The following BANP variants were observed in gnomAD, a reference collection of about 807,000 sequenced individuals.
The protein encoded by BANP is protein BANP.
BANP carries 11 observed loss-of-function variants against 68.1 expected under a neutral mutation model. That is an observed-to-expected ratio of 0.16 (90% CI 0.10 to 0.27). BANP has a LOEUF of 0.27. BANP is among the 10% of genes least tolerant of loss of function. BANP has a pLI of 1.00. For synonymous variants in BANP, 329 were observed against 303.2 expected (o/e 1.09, Z -0.88); for missense variants, 504 against 722.7 (o/e 0.70, Z 3.47).
chr16:88,061,666 C>CT (rs1395814753), intron 11 of BANP, among the ~76,000 whole-genome samples: 72 of 112,376 alleles, frequency 6.4e-4, no homozygotes, highest in Non-Finnish European at 1.5e-3. Flanking sequence ...CCTCATTTTT[C>CT]TTTCTTTTTT....
rs753113007 is a variant in BANP, at chr16:88,027,621, C to T, written c.1034C>T (p.Thr345Met). Residue 345 changes from threonine to methionine, a missense_variant, in exon 8 of 14, where the codon ACG (threonine) becomes ATG (methionine). By Grantham distance (81) the Thr-to-Met change is moderately conservative (BLOSUM62 -1). Transcript: ENST00000682872. ...SLAVKSFSRR[T>M]PNSSSYCPSE... ...GCGGTCAAGAGCTTCTCGCGGAGAA[C>T]GCCCAACTCGTCCTCCTACTGCCCT... 2.4e-5 allele frequency: 39 copies of T among 1,613,558 alleles called. No homozygotes were observed. The highest frequency in any genetic ancestry group is 3.4e-4 in the Middle Eastern group (2 of 5,884).
chr16:88,019,119 C>T (rs903610640), intron 7 of BANP, among the ~76,000 whole-genome samples: 13 of 152,198 alleles, frequency 8.5e-5, no homozygotes, highest in African/African-American at 2.9e-4. Flanking sequence ...AGGGCCTCAG[C>T]GCTGACCTGG....
At chr16:87,995,782 T>C (rs919352261) in intron 4 of BANP, among the ~76,000 whole-genome samples, 1 of 152,180 alleles carries the variant, frequency 6.6e-6, no homozygotes, top group South Asian at 2.1e-4. Context: ...GGTGATTGAC[T>C]CCACAGGTAA....
chr16:87,959,241 A>G (rs943281174), intron 1 of BANP, among the ~76,000 whole-genome samples: 6 of 152,240 alleles, frequency 3.9e-5, no homozygotes, highest in South Asian at 2.1e-4. Context: ...GGACGCTGAC[A>G]TTTGAGTTTT....
At chr16:88,075,360 G>A (rs561239265) in intron 13 of BANP, among the ~76,000 whole-genome samples, 82 of 152,248 alleles carry the variant, frequency 5.4e-4, no homozygotes, top group Non-Finnish European at 9.1e-4. Flanking sequence ...AAATTTAGCC[G>A]GGCGTGGTGG....
At chr16:88,044,140 T>C (rs1035516483) in intron 11 of BANP, among the ~76,000 whole-genome samples, 6 of 152,236 alleles carry the variant, frequency 3.9e-5, no homozygotes, top group African/African-American at 1.4e-4. Flanking sequence ...CTGGGCAGAC[T>C]CCCTATAAAG....
At chr16:88,070,178 C>T (rs1297875718) in intron 12 of BANP, among the ~76,000 whole-genome samples, 2 of 152,172 alleles carry the variant, frequency 1.3e-5, no homozygotes, top group African/African-American at 4.8e-5. Context: ...TGACCACTAT[C>T]AGTAGGGCCA....
chr16:88,053,618 C>A (rs1166327100), intron 11 of BANP, among the ~76,000 whole-genome samples: 1 of 149,142 alleles, frequency 6.7e-6, no homozygotes, highest in Non-Finnish European at 1.5e-5. Context: ...ACGACTACCA[C>A]CCCCACCTCC....
chr16:87,988,067 C>G (rs143773394), intron 4 of BANP, among the ~76,000 whole-genome samples: 5,147 of 152,030 alleles, frequency 0.034, 274 homozygotes, highest in African/African-American at 0.12. Context: ...GGAGAAATAA[C>G]AGATAAGAAC....
chr16:87,959,388 C>A (rs936088005), intron 1 of BANP, among the ~76,000 whole-genome samples: 1 of 152,270 alleles, frequency 6.6e-6, no homozygotes, highest in African/African-American at 2.4e-5. Context: ...GTGCCACCCC[C>A]TGACCTAGAG....
intron 1 of BANP, among the ~76,000 whole-genome samples, chr16:87,970,972 C>G (rs956757121): frequency 8.6e-5 from 13 of 150,554 alleles, no homozygotes; most frequent in African/African-American, 2.7e-4. Context: ...AGCCGAGATC[C>G]TGCCACTGCA....
At chr16:88,023,013 G>A (rs1196141076) in intron 7 of BANP, among the ~76,000 whole-genome samples, 2 of 152,228 alleles carry the variant, frequency 1.3e-5, no homozygotes, top group Non-Finnish European at 2.9e-5. Flanking sequence ...CAGGACACGG[G>A]TGGTCAGGTG....
intron 12 of BANP, among the ~76,000 whole-genome samples, chr16:88,065,642 C>T (rs982475426): frequency 6.6e-6 from 1 of 152,184 alleles, no homozygotes; most frequent in African/African-American, 2.4e-5. Flanking sequence ...GAATTTCTCG[C>T]CATCTTTTGT....
At chr16:88,038,246 C>T (rs181160027) in intron 11 of BANP, among the ~76,000 whole-genome samples, 2 of 152,196 alleles carry the variant, frequency 1.3e-5, no homozygotes, top group East Asian at 3.9e-4. Flanking sequence ...GTGCCACAGT[C>T]CCCCTCTCAC....
intron 11 of BANP, among the ~76,000 whole-genome samples, chr16:88,063,530 G>C (rs1478495418): frequency 1.3e-5 from 2 of 152,200 alleles, no homozygotes; most frequent in Non-Finnish European, 2.9e-5. Flanking sequence ...GGTGACCGCT[G>C]GTCATTTCTG....
chr16:88,065,946 G>C (rs571773810), intron 12 of BANP, among the ~76,000 whole-genome samples: 8 of 152,220 alleles, frequency 5.3e-5, no homozygotes, highest in African/African-American at 1.9e-4. Context: ...TCCCTCCTGG[G>C]CCCACTGCCC....
At chr16:88,058,243 A>C (rs2085664468) in intron 11 of BANP, among the ~76,000 whole-genome samples, 1 of 152,174 alleles carries the variant, frequency 6.6e-6, no homozygotes, top group Admixed American at 6.5e-5. Flanking sequence ...GGGAAACTGA[A>C]GGACAGTGCG....
chr16:88,069,195 GCCGGCAGCT>G (rs2089654947), intron 12 of BANP, among the ~76,000 whole-genome samples: 2 of 152,240 alleles, frequency 1.3e-5, no homozygotes, highest in Non-Finnish European at 2.9e-5. Context: ...GGGCAGCTGT[GCCGGCAGCT>G]CCTCCTCCTC....
At chr16:87,984,518 AACC>A (rs901116796) in intron 4 of BANP, among the ~76,000 whole-genome samples, 2 of 152,222 alleles carry the variant, frequency 1.3e-5, no homozygotes, top group African/African-American at 4.8e-5. Context: ...CTTTGGAACT[AACC>A]CACCAGATCT....
Sources: allele counts gnomAD v4.1 joint callset (sites outside exome capture counted in the v4.1 genomes callset), GRCh38; gene constraint gnomAD v4.1.1; transcripts MANE v1.5; gene names NCBI Gene and HGNC (gene_info 2026-07-23, HGNC 2026-07-21).